DYM: variants seen among roughly 807,000 people sequenced by gnomAD.
DYM encodes dyggve-Melchior-Clausen syndrome protein.
DYM carries 78 observed loss-of-function variants against 93.1 expected under a neutral mutation model. The observed-to-expected ratio is 0.84, with a 90% CI of 0.70 to 1.01. The LOEUF is 1.01. DYM is among the 50% of genes least tolerant of loss of function. The pLI, the probability that DYM is intolerant of heterozygous loss-of-function variation, is 0.00. For missense variants in DYM, 789 were observed against 845.0 expected, an observed-to-expected ratio of 0.93 and a Z score of 0.82; for synonymous variants, 321 against 319.7, an observed-to-expected ratio of 1.00 and a Z score of -0.04.
intron 11 of DYM, among the ~76,000 whole-genome samples, chr18:49,261,477 C>T (rs905486881): frequency 6.6e-6 from 1 of 152,200 alleles, no homozygotes; most frequent in Non-Finnish European, 1.5e-5. Context: ...TTGAGACCAG[C>T]CTGGCCAACA....
At chr18:49,362,683 C>A (rs746561338) in intron 6 of DYM, among the ~76,000 whole-genome samples, 2 of 152,068 alleles carry the variant, frequency 1.3e-5, no homozygotes, top group Non-Finnish European at 2.9e-5. Flanking sequence ...AGAGCTTTAC[C>A]CAGAGGTTTC....
At chr18:49,292,624 A>AAAAAAAAAAAAAAAAAAAAAAAC (rs1568189068) in intron 8 of DYM, among the ~76,000 whole-genome samples, 12 of 65,056 alleles carry the variant, frequency 1.8e-4, no homozygotes, top group African/African-American at 5.9e-4. Context: ...AAAAAAAAAA[A>AAAAAAAAAAAAAAAAAAAAAAAC]ACCCCCACAA....
chr18:49,101,638 C>T (rs900830613), intron 16 of DYM, among the ~76,000 whole-genome samples: 1 of 152,066 alleles, frequency 6.6e-6, no homozygotes, highest in African/African-American at 2.4e-5. Context: ...AAGTAGACAG[C>T]TAAGTTTTAT....
intron 5 of DYM, among the ~76,000 whole-genome samples, chr18:49,371,515 G>C (rs867847260): frequency 1.3e-5 from 2 of 152,040 alleles, no homozygotes; most frequent in Admixed American, 1.3e-4. Context: ...AATACACAAG[G>C]AAACAAGCCA....
intron 2 of DYM, among the ~76,000 whole-genome samples, chr18:49,408,170 ATAT>A (rs2071748131): frequency 6.6e-6 from 1 of 152,184 alleles, no homozygotes; most frequent in Admixed American, 6.5e-5. Flanking sequence ...TGCATGAACA[ATAT>A]TATGTTATAC....
chr18:49,367,883 AATTAT>A (rs72039066), intron 5 of DYM, among the ~76,000 whole-genome samples: 13,856 of 152,182 alleles, frequency 0.091, 847 homozygotes, highest in East Asian at 0.31. Context: ...CACATAATTA[AATTAT>A]ATTTATTAAA....
chr18:49,215,350 C>G (rs915592430), intron 13 of DYM, among the ~76,000 whole-genome samples: 2 of 152,218 alleles, frequency 1.3e-5, no homozygotes, highest in African/African-American at 2.4e-5. Context: ...CTTAGCAACA[C>G]ACTCAGTGGA....
intron 15 of DYM, among the ~76,000 whole-genome samples, chr18:49,138,089 G>A (rs1022096665): frequency 2.0e-5 from 3 of 152,072 alleles, no homozygotes; most frequent in African/African-American, 7.2e-5. Context: ...TTAGGAAGGG[G>A]TTTTTCTTTT....
At chr18:49,079,982 C>G (rs375857742) in intron 17 of DYM, among the ~76,000 whole-genome samples, 26 of 145,280 alleles carry the variant, frequency 1.8e-4, no homozygotes, top group Admixed American at 3.4e-4. Context: ...TAGGGGCGGC[C>G]GGGCAGAGGC....
intron 14 of DYM, among the ~76,000 whole-genome samples, 180 bp from the exon 15 acceptor site, chr18:49,163,967 G>T (rs534946781): frequency 6.6e-6 from 1 of 152,196 alleles, no homozygotes; most frequent in East Asian, 1.9e-4. Context: ...AAAAAGGAGT[G>T]GGGAGGATGT....
intron 6 of DYM, among the ~76,000 whole-genome samples, chr18:49,345,615 G>A (rs776477969): frequency 2.6e-4 from 39 of 152,108 alleles, no homozygotes; most frequent in African/African-American, 9.2e-4. Flanking sequence ...AGGCCAGTAG[G>A]GCTAGAATAG....
intron 15 of DYM, among the ~76,000 whole-genome samples, chr18:49,145,161 A>C (rs546551069): frequency 7.2e-6 from 1 of 138,598 alleles, no homozygotes; most frequent in Non-Finnish European, 1.6e-5. Context: ...ATACAAATAT[A>C]GGTCCCCAAT....
chr18:49,102,343 T>G (rs1170766878), intron 16 of DYM, among the ~76,000 whole-genome samples: 2 of 152,236 alleles, frequency 1.3e-5, no homozygotes, highest in Non-Finnish European at 2.9e-5. Context: ...TTGTTCTATT[T>G]CCCTTGTAAA....
intron 15 of DYM, among the ~76,000 whole-genome samples, chr18:49,159,107 C>T (rs933526975): frequency 9.2e-5 from 14 of 152,046 alleles, no homozygotes; most frequent in African/African-American, 2.2e-4. Flanking sequence ...TATTTATGTA[C>T]GTGTGTGTAC....
chr18:49,360,604 A>C (rs1337704885), intron 6 of DYM, among the ~76,000 whole-genome samples: 2 of 151,956 alleles, frequency 1.3e-5, no homozygotes, highest in African/African-American at 4.8e-5. Context: ...CCTGGGTGAC[A>C]GAGTAAGATC....
At chr18:49,050,632 C>G (rs2072305774) in intron 17 of DYM, among the ~76,000 whole-genome samples, 1 of 151,976 alleles carries the variant, frequency 6.6e-6, no homozygotes, top group African/African-American at 2.4e-5. Flanking sequence ...GCTTGAAGTT[C>G]ACAGACAGCC....
At chr18:49,089,773 T>C in intron 17 of DYM, among the ~76,000 whole-genome samples, 1 of 152,202 alleles carries the variant, frequency 6.6e-6, no homozygotes, top group Non-Finnish European at 1.5e-5. Flanking sequence ...ATCCTCATTT[T>C]GATGGAGGGA....
At chr18:49,358,036 G>C (rs1181903567) in intron 6 of DYM, among the ~76,000 whole-genome samples, 1 of 152,126 alleles carries the variant, frequency 6.6e-6, no homozygotes, top group Non-Finnish European at 1.5e-5. Context: ...TGTGGCCCCA[G>C]ATACTCAAGA....
At position 49,037,477 on chromosome 18, in the gene DYM, T is replaced by A. The variant is rs955042957; in HGVS notation, c.*6578A>T. Among the ~76,000 whole-genome samples, 41 of 152,236 alleles carry A rather than the reference T, an allele frequency of 2.7e-4. No individual in the cohort carries two copies. Among genetic ancestry groups the A allele is most frequent in the Middle Eastern group, 3.4e-3 (1 of 294 alleles). Reference sequence around the variant, plus strand: ...AAGTGCTGAAAAACTTTCTATTGGGTACTATGTTCACTATCTGGGTGACAG... The same window carrying A: ...AAGTGCTGAAAAACTTTCTATTGGGAACTATGTTCACTATCTGGGTGACAG... On this transcript the variant is annotated 3_prime_UTR_variant, in exon 18 of 18. Coordinates refer to ENST00000675505, the MANE Select transcript of DYM (RefSeq NM_001353214.3).
Sources: allele counts gnomAD v4.1 joint callset (sites outside exome capture counted in the v4.1 genomes callset), GRCh38; gene constraint gnomAD v4.1.1; transcripts MANE v1.5; gene names NCBI Gene and HGNC (gene_info 2026-07-23, HGNC 2026-07-21).